Variants in RANBP2 observed in about 807,000 individuals in gnomAD.
RANBP2 encodes E3 SUMO-protein ligase RanBP2.
RANBP2 carries 57 observed loss-of-function variants against 303.6 expected under a neutral mutation model. The observed-to-expected ratio is 0.19, with a 90% CI of 0.15 to 0.23. RANBP2 has a LOEUF of 0.23. Ranked by LOEUF, RANBP2 falls within the 10% of genes least tolerant of loss-of-function variation. The pLI is 1.00. For missense variants in RANBP2, 3,138 were observed against 3,780.8 expected (o/e 0.83, Z 4.46); for synonymous variants, 1,167 against 1,301.5 (o/e 0.90, Z 2.23).
the RANBP2 span, chr2:109,567,848 A>C: frequency 1.9e-6 from 3 of 1,611,636 alleles, no homozygotes; most frequent in Admixed American, 5.0e-5. Flanking sequence ...CAATAGTGTC[A>C]TCATCCGTTG....
the RANBP2 span, among the ~76,000 whole-genome samples, chr2:108,943,301 C>A: frequency 6.6e-6 from 1 of 152,214 alleles, no homozygotes; most frequent in Non-Finnish European, 1.5e-5. Context: ...CTCTGCTGCA[C>A]CCTGGGAGAA....
At chr2:108,938,964 G>C in the RANBP2 span, among the ~76,000 whole-genome samples, 5 of 152,010 alleles carry the variant, frequency 3.3e-5, no homozygotes, top group African/African-American at 1.2e-4. Context: ...ATTTTTATTA[G>C]AGACGGGGTT....
the RANBP2 span, among the ~76,000 whole-genome samples, chr2:109,687,878 G>T: frequency 3.3e-5 from 5 of 151,884 alleles, no homozygotes; most frequent in African/African-American, 1.2e-4. Flanking sequence ...TGAGTAGCTG[G>T]GACTACACAC....
chr2:109,613,687 G>T, the RANBP2 span: 1 of 725,364 alleles, frequency 1.4e-6, no homozygotes, highest in Non-Finnish European at 1.9e-6. Context: ...GGGCCGGAGG[G>T]GGCGCGGGTC....
chr2:109,030,735 C>A, the RANBP2 span, among the ~76,000 whole-genome samples: 2 of 152,114 alleles, frequency 1.3e-5, no homozygotes, highest in Admixed American at 1.3e-4. Context: ...GGTTCTGTCT[C>A]TTGACAGTTT....
At chr2:109,510,682 T>C in the RANBP2 span, among the ~76,000 whole-genome samples, 1 of 152,154 alleles carries the variant, frequency 6.6e-6, no homozygotes, top group Non-Finnish European at 1.5e-5. Context: ...CACTTGTGTG[T>C]GCCATGGGGT....
chr2:109,412,102 C>T, the RANBP2 span, among the ~76,000 whole-genome samples: 342 of 152,344 alleles, frequency 2.2e-3, no homozygotes, highest in Middle Eastern at 6.8e-3. Flanking sequence ...GTTGGACTCA[C>T]GCAGGGCAGT....
At chr2:109,217,492 G>A in the RANBP2 span, among the ~76,000 whole-genome samples, 23 of 152,298 alleles carry the variant, frequency 1.5e-4, no homozygotes, top group South Asian at 4.6e-3. Context: ...CCACATCTTA[G>A]TAATAGGAAG....
chr2:108,755,221 T>G lies in RANBP2; in HGVS notation c.2428T>G (p.Leu810Val). The G allele has an allele frequency of 6.2e-7, 1 of 1,611,916 alleles. No homozygotes were observed. The highest frequency in any genetic ancestry group is 8.5e-7 in the Non-Finnish European group (1 of 1,179,838). Residue 810 changes from leucine to valine, a missense_variant, in exon 17 of 29, where the codon TTA becomes GTA. Around this residue, in one of 20 missense-constraint regions of RANBP2, gnomAD observed 194 missense variants for 197.4 expected, o/e 0.98. Coordinates refer to ENST00000283195, the MANE Select transcript of RANBP2 (RefSeq NM_006267.5). Reference sequence around the variant, plus strand: ...TCGATGGGCAGAAGATCAGAATTCTTTACTGAAAATGATTTGCCAACAAGT... The same window carrying G: ...TCGATGGGCAGAAGATCAGAATTCTGTACTGAAAATGATTTGCCAACAAGT... ...PPRWAEDQNS[L>V]LKMICQQVEA...
chr2:108,737,715 ATT>A (rs34504601), intron 6 of RANBP2, among the ~76,000 whole-genome samples: 10 of 129,128 alleles, frequency 7.7e-5, no homozygotes, highest in Admixed American at 1.6e-4. Flanking sequence ...CACCTGGCTA[ATT>A]TTTTTTTTTT....
the RANBP2 span, chr2:109,665,358 T>C: frequency 1.0e-4 from 1 of 9,966 alleles, no homozygotes; most frequent in Non-Finnish European, 5.8e-4. Flanking sequence ...TTTTTTTTTT[T>C]TTTGAAACAG....
At chr2:109,570,039 C>T in the RANBP2 span, among the ~76,000 whole-genome samples, 1 of 152,012 alleles carries the variant, frequency 6.6e-6, no homozygotes, top group Non-Finnish European at 1.5e-5. Flanking sequence ...AAAAAAAAAC[C>T]TGTGTATTGC....
the RANBP2 span, among the ~76,000 whole-genome samples, chr2:108,906,577 G>A: frequency 2.6e-5 from 4 of 152,214 alleles, no homozygotes; most frequent in Non-Finnish European, 1.5e-5. Context: ...GTCTACCACG[G>A]GTGCGTCTTA....
At chr2:109,357,897 C>T in the RANBP2 span, among the ~76,000 whole-genome samples, 1 of 152,194 alleles carries the variant, frequency 6.6e-6, no homozygotes, top group Non-Finnish European at 1.5e-5. Context: ...GCATTTGTTA[C>T]AATCAATGAG....
chr2:109,066,387 G>A, the RANBP2 span, among the ~76,000 whole-genome samples: 3 of 152,154 alleles, frequency 2.0e-5, no homozygotes, highest in South Asian at 2.1e-4. Context: ...GATTATAGGC[G>A]TGAGCCACCG....
the RANBP2 span, among the ~76,000 whole-genome samples, chr2:108,997,463 A>AAAAG: frequency 1.0e-3 from 155 of 148,290 alleles, no homozygotes; most frequent in Non-Finnish European, 1.8e-3. Context: ...AAAAAAAAAA[A>AAAAG]GATGATGGTC....
chr2:109,646,797 C>T, the RANBP2 span, among the ~76,000 whole-genome samples: 1 of 151,806 alleles, frequency 6.6e-6, no homozygotes, highest in Non-Finnish European at 1.5e-5. Flanking sequence ...TGAGCCACTG[C>T]TCCCGGCCAC....
the RANBP2 span, among the ~76,000 whole-genome samples, chr2:109,546,453 C>T: frequency 6.6e-6 from 1 of 152,006 alleles, no homozygotes; most frequent in African/African-American, 2.4e-5. Context: ...ATGCAAAAAT[C>T]ATAGCTTTAT....
the RANBP2 span, among the ~76,000 whole-genome samples, chr2:108,870,312 G>A: frequency 4.6e-5 from 7 of 152,130 alleles, no homozygotes; most frequent in Non-Finnish European, 8.8e-5. Flanking sequence ...GATCAAGTCC[G>A]AGGAACAAAA....
Sources: allele counts gnomAD v4.1 joint callset (sites outside exome capture counted in the v4.1 genomes callset), GRCh38; gene constraint gnomAD v4.1.1; regional missense constraint gnomAD v4.1.1; transcripts MANE v1.5; gene names NCBI Gene and HGNC (gene_info 2026-07-23, HGNC 2026-07-21).